The following NELL1 variants were observed in gnomAD, a reference collection of about 807,000 sequenced individuals.
NELL1 encodes the protein neural EGFL like 1.
In NELL1, 76 loss-of-function variants were observed where a neutral mutation model predicts 107.4. That is an observed-to-expected ratio of 0.71 (90% CI 0.59 to 0.86). NELL1 has a LOEUF of 0.86. NELL1 is among the 40% of genes least tolerant of loss of function. NELL1 has a pLI of 0.00. For synonymous variants in NELL1, 353 were observed against 341.2 expected (o/e 1.03, Z -0.38); for missense variants, 1,024 against 1,005.5 (o/e 1.02, Z -0.25).
intron 2 of NELL1, among the ~76,000 whole-genome samples, chr11:20,756,542 T>A (rs370307260): frequency 7.1e-6 from 1 of 140,574 alleles, no homozygotes; most frequent in Non-Finnish European, 1.5e-5. Context: ...TTTTTTTTTT[T>A]AGTAGAGACA....
chr11:20,979,639 C>G (rs1851709344), intron 12 of NELL1, among the ~76,000 whole-genome samples: 1 of 152,196 alleles, frequency 6.6e-6, no homozygotes, highest in African/African-American at 2.4e-5. Context: ...AATCTTGGAA[C>G]TCTTAAATTC....
intron 12 of NELL1, among the ~76,000 whole-genome samples, chr11:21,035,913 G>A (rs947109303): frequency 9.2e-5 from 14 of 152,090 alleles, no homozygotes; most frequent in African/African-American, 1.9e-4. Flanking sequence ...AGATATAAAA[G>A]GGCATTCAAA....
chr11:20,891,407 C>A (rs1849614650), intron 5 of NELL1, among the ~76,000 whole-genome samples: 1 of 152,112 alleles, frequency 6.6e-6, no homozygotes. Context: ...ACTGCAAAAA[C>A]ACACCAAAAT....
intron 2 of NELL1, among the ~76,000 whole-genome samples, chr11:20,781,733 T>C (rs1856853494): frequency 6.6e-6 from 1 of 152,002 alleles, no homozygotes; most frequent in Non-Finnish European, 1.5e-5. Flanking sequence ...TGATCTTTGC[T>C]TAGAAGTAAT....
intron 2 of NELL1, among the ~76,000 whole-genome samples, chr11:20,742,558 C>T (rs893329780): frequency 1.3e-5 from 2 of 152,088 alleles, no homozygotes; most frequent in Non-Finnish European, 2.9e-5. Context: ...GGCTAGGAGG[C>T]CTCACAATCA....
intron 12 of NELL1, among the ~76,000 whole-genome samples, chr11:21,098,289 ATAGGATTACT>A (rs1854702344): frequency 6.6e-6 from 1 of 152,054 alleles, no homozygotes; most frequent in Non-Finnish European, 1.5e-5. Context: ...CCTTTTCTAG[ATAGGATTACT>A]TATCACCTTC....
At chr11:20,741,842 C>T (rs930339936) in intron 2 of NELL1, among the ~76,000 whole-genome samples, 1 of 152,148 alleles carries the variant, frequency 6.6e-6, no homozygotes, top group Non-Finnish European at 1.5e-5. Context: ...CTCAGTTAGC[C>T]ACCCCTTCCT....
chr11:21,370,437 GT>G (rs1409934873), intron 14 of NELL1, among the ~76,000 whole-genome samples: 3 of 151,932 alleles, frequency 2.0e-5, no homozygotes, highest in African/African-American at 7.2e-5. Context: ...GAACATAAAA[GT>G]TTTTATTGTC....
chr11:21,186,073 T>C (rs1256293013), intron 13 of NELL1, among the ~76,000 whole-genome samples: 1 of 151,844 alleles, frequency 6.6e-6, no homozygotes, highest in African/African-American at 2.4e-5. Flanking sequence ...CCATATCCTC[T>C]GGCTTCTTAT....
At chr11:20,957,695 T>C (rs1212424389) in intron 11 of NELL1, among the ~76,000 whole-genome samples, 2 of 152,084 alleles carry the variant, frequency 1.3e-5, no homozygotes, top group African/African-American at 4.8e-5. Flanking sequence ...ACTATCAAAT[T>C]TGACTAAGCA....
At chr11:21,509,674 G>GAT (rs1855385175) in intron 15 of NELL1, among the ~76,000 whole-genome samples, 1 of 152,102 alleles carries the variant, frequency 6.6e-6, no homozygotes, top group Admixed American at 6.5e-5. Flanking sequence ...ACACAGGAAT[G>GAT]ATAAAACTAC....
At chr11:20,779,336 C>A (rs1285392801) in intron 2 of NELL1, among the ~76,000 whole-genome samples, 1 of 152,154 alleles carries the variant, frequency 6.6e-6, no homozygotes, top group African/African-American at 2.4e-5. Context: ...TTATTCAATC[C>A]TTTTTATCTG....
intron 2 of NELL1, among the ~76,000 whole-genome samples, chr11:20,682,693 A>G (rs1271489992): frequency 6.6e-6 from 1 of 152,078 alleles, no homozygotes; most frequent in East Asian, 1.9e-4. Context: ...AAATGAACAT[A>G]GTTATCACCC....
At chr11:21,534,322 AGTGTC>A in intron 15 of NELL1, 47 bp from the exon 16 acceptor site, 5 of 1,605,724 alleles carry the variant, frequency 3.1e-6, no homozygotes, top group Non-Finnish European at 4.3e-6. Context: ...CTGAAAGGTT[AGTGTC>A]AAAAGAAATT....
chr11:21,329,962 T>G (rs949186449), intron 14 of NELL1, among the ~76,000 whole-genome samples: 6 of 152,152 alleles, frequency 3.9e-5, no homozygotes, highest in Non-Finnish European at 8.8e-5. Flanking sequence ...ATATATAGCT[T>G]AATGTCTTTT....
intron 15 of NELL1, among the ~76,000 whole-genome samples, chr11:21,407,151 C>A (rs1255506131): frequency 6.6e-6 from 1 of 152,032 alleles, no homozygotes; most frequent in Non-Finnish European, 1.5e-5. Context: ...CATGGTGGCT[C>A]ATACCTGTAA....
intron 5 of NELL1, among the ~76,000 whole-genome samples, chr11:20,893,244 C>A (rs991948216): frequency 2.0e-5 from 3 of 151,112 alleles, no homozygotes; most frequent in Non-Finnish European, 4.4e-5. Context: ...AACAACATAC[C>A]CCAGGGCCTG....
rs532026374 is a variant in NELL1 at position 20,830,702 on chromosome 11, T to G, written c.336-16881T>G. ...GGGAACTCTTTTCTTAAGAATGCAT[T>G]TCCAAGGTAGACAGGGATATATTTT... On this transcript the variant is annotated intron_variant, in intron 3 of 19. Coordinates refer to ENST00000357134, the MANE Select transcript of NELL1 (RefSeq NM_006157.5). Among the ~76,000 whole-genome samples the G allele has an allele frequency of 2.0e-5, 3 of 152,270 alleles. No individual in the cohort carries two copies. In the East Asian group the frequency reaches 5.8e-4, roughly 29 times the overall value.
chr11:20,731,460 A>C lies in NELL1; in HGVS notation c.185-52220A>C, dbSNP rs1173702955. On this transcript the variant is annotated intron_variant, in intron 2 of 19. Coordinates refer to ENST00000357134, the MANE Select transcript of NELL1 (RefSeq NM_006157.5). Reference sequence around the variant, plus strand: ...GGTAGCTTAGGTTAGAGGGGGCGTCACTGTGAGTGTGTGCATTAAAGGTGG... The same window carrying C: ...GGTAGCTTAGGTTAGAGGGGGCGTCCCTGTGAGTGTGTGCATTAAAGGTGG... 2.6e-5 allele frequency among the ~76,000 whole-genome samples: 4 copies of C among 152,212 alleles called. No homozygotes were observed. The South Asian group carries it at 8.3e-4, about 31-fold the overall frequency.
Sources: allele counts gnomAD v4.1 joint callset (sites outside exome capture counted in the v4.1 genomes callset), GRCh38; gene constraint gnomAD v4.1.1; transcripts MANE v1.5; gene names NCBI Gene and HGNC (gene_info 2026-07-23, HGNC 2026-07-21).